The following ABI3BP variants were observed in gnomAD, a reference collection of about 807,000 sequenced individuals.
The protein encoded by ABI3BP is ABI family member 3 binding protein, also known as target of Nesh-SH3.
A neutral mutation model predicts 268.6 loss-of-function variants in ABI3BP; 216 were observed. That is an observed-to-expected ratio of 0.80 (90% CI 0.72 to 0.90). The LOEUF is 0.90. Ranked by LOEUF, ABI3BP falls within the 40% of genes least tolerant of loss-of-function variation. The pLI is 0.00. For missense variants in ABI3BP, 2,090 were observed against 2,182.4 expected, an observed-to-expected ratio of 0.96 and a Z score of 0.84; for synonymous variants, 730 against 730.0, an observed-to-expected ratio of 1.00 and a Z score of 0.00.
rs368841566 is a variant in ABI3BP, at chr3:100,778,280, G to A, written c.4333+4C>T. The A allele has an allele frequency of 6.8e-6, 11 of 1,613,088 alleles. No homozygotes were observed. Among genetic ancestry groups the A allele is most frequent in the African/African-American group, 6.7e-5 (5 of 74,866 alleles). On this transcript the variant is annotated splice_donor_region_variant and intron_variant, in intron 59 of 67. Coordinates refer to ENST00000471714, the MANE Select transcript of ABI3BP (RefSeq NM_001375547.2). ...GGGAAAAGGAAGGTACATGACTAACGTACCTGCACTTCCTGGCTTTCCAGT... is the reference window on the plus strand; with the variant it reads ...GGGAAAAGGAAGGTACATGACTAACATACCTGCACTTCCTGGCTTTCCAGT...
chr3:100,946,578 C>T (rs540108013), intron 1 of ABI3BP, among the ~76,000 whole-genome samples: 9 of 151,984 alleles, frequency 5.9e-5, no homozygotes, highest in Admixed American at 3.9e-4. Flanking sequence ...CACCAGAGAT[C>T]GGGAGTTTGA....
chr3:100,832,582 A>G (rs910224525), intron 30 of ABI3BP, among the ~76,000 whole-genome samples: 5 of 152,142 alleles, frequency 3.3e-5, no homozygotes, highest in African/African-American at 9.7e-5. Context: ...AACATTAGAA[A>G]CTATCATTAT....
intron 50 of ABI3BP, among the ~76,000 whole-genome samples, chr3:100,805,497 AAC>A (rs550979449): frequency 7.5e-4 from 114 of 152,298 alleles, no homozygotes; most frequent in African/African-American, 2.5e-3. Flanking sequence ...AAATAAGTCT[AAC>A]AATTATAGTG....
At chr3:100,773,136 T>C (rs190206411) in intron 61 of ABI3BP, among the ~76,000 whole-genome samples, 12 of 149,972 alleles carry the variant, frequency 8.0e-5, no homozygotes, top group Non-Finnish European at 5.9e-5. Flanking sequence ...TCCATACCTA[T>C]TAAAGAAAGT....
At chr3:100,896,877 A>G (rs1303766676) in intron 4 of ABI3BP, among the ~76,000 whole-genome samples, 3 of 152,220 alleles carry the variant, frequency 2.0e-5, no homozygotes, top group African/African-American at 7.2e-5. Flanking sequence ...GGTTTTGGAA[A>G]TATCTTCTAC....
chr3:100,894,959 AAAAAAAAACAG>A (rs2046835924), intron 4 of ABI3BP, among the ~76,000 whole-genome samples: 4 of 145,322 alleles, frequency 2.8e-5, no homozygotes, highest in South Asian at 2.3e-4. Flanking sequence ...AAAAAAAAAA[AAAAAAAAACAG>A]AAAAAAAAAA....
Position 100,902,669 on chromosome 3 carries a change from G to T in ABI3BP, c.277C>A (p.Leu93Met). Residue 93 changes from leucine (L) to methionine (M), a missense_variant, in exon 3 of 68, where the codon CTG becomes ATG. Transcript: ENST00000471714. The stretch of plus-strand genomic sequence containing the variant: ...GGTGGAGCAGGTCGCACAACTATCA[G>T]ATATTTCGGCTCTGCATCTGGAAGC... ...EAIVDAEPKY[L>M]IVVRPAPPPS... 1 of 1,613,888 alleles carries T rather than the reference G, an allele frequency of 6.2e-7. No individual in the cohort carries two copies. Among genetic ancestry groups the T allele is most frequent in the Middle Eastern group, 1.6e-4 (1 of 6,062 alleles).
At chr3:100,902,742 C>T (rs2051046778) in intron 2 of ABI3BP, 56 bp from the exon 3 acceptor site, 4 of 1,406,728 alleles carry the variant, frequency 2.8e-6, no homozygotes, top group Non-Finnish European at 3.0e-6. Context: ...GCATTGGAGG[C>T]AGCACACCCC....
In ABI3BP at chr3:100,828,315, T is replaced by C. The variant is rs1050824625; in HGVS notation, c.2602+78A>G. ...AACCGTTACAAAACCAAAAATGTAATTGAATGGCAATATACAGTGGAATAA... is the reference window on the plus strand; with the variant it reads ...AACCGTTACAAAACCAAAAATGTAACTGAATGGCAATATACAGTGGAATAA... On this transcript the variant is annotated intron_variant, in intron 34 of 67. Coordinates refer to ENST00000471714, the MANE Select transcript of ABI3BP (RefSeq NM_001375547.2). 2.1e-5 allele frequency: 28 copies of C among 1,343,564 alleles called. No homozygotes were observed. In the Middle Eastern group the frequency reaches 3.4e-3, roughly 165 times the overall value. The allele number at this position is 1,343,564 out of a possible 1,614,324, so 83.2% of individuals were successfully genotyped here. A position where few individuals can be genotyped will look rare whatever the true frequency, so the allele number is the denominator to read the frequency against.
At chr3:100,806,031 A>G (rs1273060143) in intron 50 of ABI3BP, among the ~76,000 whole-genome samples, 4 of 152,084 alleles carry the variant, frequency 2.6e-5, no homozygotes, top group Non-Finnish European at 4.4e-5. Flanking sequence ...GCTATTACCT[A>G]TACACACTGG....
chr3:100,770,961 G>A lies in ABI3BP; in HGVS notation c.4532-9C>T. On this transcript the variant is annotated splice_polypyrimidine_tract_variant and intron_variant, in intron 61 of 67. Coordinates refer to ENST00000471714, the MANE Select transcript of ABI3BP (RefSeq NM_001375547.2). The stretch of plus-strand genomic sequence containing the variant: ...GTATCGCACATGAGGTCCTACGAGA[G>A]AGAGGACCCTTGACATTTAACATTT... 1.3e-6 allele frequency: 2 copies of A among 1,530,700 alleles called. No individual in the cohort carries two copies. The highest frequency in any genetic ancestry group is 2.4e-5 in the East Asian group (1 of 41,134). 94.8% of individuals were successfully genotyped at this position (1,530,700 alleles called of 1,614,324 possible). A position where few individuals can be genotyped will look rare whatever the true frequency, so the allele number is the denominator to read the frequency against.
At chr3:100,837,072 A>T (rs961702127) in intron 27 of ABI3BP, 52 bp downstream of exon 27, 4 of 1,442,088 alleles carry the variant, frequency 2.8e-6, no homozygotes, top group Non-Finnish European at 3.7e-6. Context: ...AAAAGAGATG[A>T]GAGGCGCAAG....
In ABI3BP at chr3:100,922,196, C is replaced by A. The variant is rs370821938; in HGVS notation, c.259+4106G>T. Among the ~76,000 whole-genome samples, 139 of 152,294 alleles carry A rather than the reference C, an allele frequency of 9.1e-4. 3 individuals carry two copies. The South Asian group carries it at 0.029, about 31-fold the overall frequency. On this transcript the variant is annotated intron_variant, in intron 2 of 67. Coordinates refer to ENST00000471714, the MANE Select transcript of ABI3BP (RefSeq NM_001375547.2). ...ACTTTATAGTTACAAATACACTAAA[C>A]CACCACAGCATATCTGTGAAAAATA...
chr3:100,834,666 G>C lies in ABI3BP; in HGVS notation c.2281+18C>G. On this transcript the variant is annotated intron_variant, in intron 29 of 67. Coordinates refer to ENST00000471714, the MANE Select transcript of ABI3BP (RefSeq NM_001375547.2). The stretch of plus-strand genomic sequence containing the variant: ...TCCAATGGGATGCCACAGGGACAAG[G>C]AACCACATATTATTTACCTAGTTTG... 4 of 1,534,190 alleles carry C rather than the reference G, an allele frequency of 2.6e-6. No individual in the cohort carries two copies. Among genetic ancestry groups the C allele is most frequent in the Non-Finnish European group, 3.5e-6 (4 of 1,145,324 alleles).
intron 14 of ABI3BP, among the ~76,000 whole-genome samples, chr3:100,860,752 A>G (rs2098988812): frequency 6.6e-6 from 1 of 152,200 alleles, no homozygotes; most frequent in Non-Finnish European, 1.5e-5. Context: ...TGCTTAAAGA[A>G]AACCCAAAAG....
chr3:100,944,132 A>C (rs977359813), intron 1 of ABI3BP, among the ~76,000 whole-genome samples: 4 of 152,170 alleles, frequency 2.6e-5, no homozygotes, highest in Non-Finnish European at 5.9e-5. Flanking sequence ...GCCAGGCATG[A>C]GCCTCTTTTG....
At chr3:100,900,893 G>A (rs549368127) in intron 3 of ABI3BP, among the ~76,000 whole-genome samples, 1 of 152,122 alleles carries the variant, frequency 6.6e-6, no homozygotes, top group African/African-American at 2.4e-5. Flanking sequence ...AAAATAAAAT[G>A]AAGTTATAAA....
In ABI3BP at chr3:100,835,609, G is replaced by T. The variant is rs189435169; in HGVS notation, c.2183C>A (p.Thr728Lys). 2 of 1,534,746 alleles carry T rather than the reference G, an allele frequency of 1.3e-6. No individual in the cohort carries two copies. Among genetic ancestry groups the T allele is most frequent in the East Asian group, 2.4e-5 (1 of 40,850 alleles). ...ACATAAGAGGTCATTACCTAATGTT[G>T]TCACTGTAGCCTCAGTTCTCACAGT... ...PVTVRTEATV[T>K]TLAPKTSQRT... Residue 728 changes from threonine (T) to lysine (K), a missense_variant, in exon 28 of 68, where the codon ACA becomes AAA. By Grantham distance (78) the Thr-to-Lys change is moderately conservative. Coordinates refer to ENST00000471714, the MANE Select transcript of ABI3BP (RefSeq NM_001375547.2).
chr3:100,827,405 C>T (rs2098408356), intron 34 of ABI3BP, among the ~76,000 whole-genome samples: 3 of 152,000 alleles, frequency 2.0e-5, no homozygotes, highest in Admixed American at 2.0e-4. Context: ...CTCCTAAGCT[C>T]CATAAACCAA....
Sources: allele counts gnomAD v4.1 joint callset (sites outside exome capture counted in the v4.1 genomes callset), GRCh38; gene constraint gnomAD v4.1.1; transcripts MANE v1.5; gene names NCBI Gene and HGNC (gene_info 2026-07-23, HGNC 2026-07-21).